The following MAD1L1 variants were observed in gnomAD, a reference collection of about 807,000 sequenced individuals.
MAD1L1 encodes the protein mitotic spindle assembly checkpoint protein MAD1.
Under a neutral mutation model 96.9 loss-of-function variants are expected in MAD1L1, and 95 were observed. That is an observed-to-expected ratio of 0.98 (90% confidence interval 0.83 to 1.16). The LOEUF (loss-of-function observed/expected upper bound fraction) is 1.16, where lower values mean the gene tolerates loss of function less well. Ranked by LOEUF, MAD1L1 falls within the 50% of genes most tolerant of loss-of-function variation. The probability of loss-of-function intolerance (pLI) is 0.00; values close to 1 mark genes in which losing one functional copy is unlikely to be tolerated. For missense variants in MAD1L1, 1,007 were observed against 954.4 expected, an observed-to-expected ratio of 1.06 and a Z score of -0.73; for synonymous variants, 473 against 396.6, an observed-to-expected ratio of 1.19 and a Z score of -2.29.
At chr7:2,006,332 G>A (rs1357945471) in intron 13 of MAD1L1, among the ~76,000 whole-genome samples, 1 of 152,150 alleles carries the variant, frequency 6.6e-6, no homozygotes, top group Non-Finnish European at 1.5e-5. Context: ...GAGGGAGTTG[G>A]GAGAACGAAG....
rs762728195 is a variant in MAD1L1, at chr7:2,092,960, G to A, written c.1074-23622C>T. Among the ~76,000 whole-genome samples, 9 of 152,134 alleles carry A rather than the reference G, an allele frequency of 5.9e-5. No homozygotes were observed. In the South Asian group the frequency reaches 6.2e-4, roughly 11 times the overall value. The stretch of plus-strand genomic sequence containing the variant: ...TAATGCATATAAAAGCATTTGGGCC[G>A]AGTGCAGTGGCTCACACCTGTAATC... On this transcript the variant is annotated intron_variant, in intron 11 of 18. Coordinates refer to ENST00000265854, the MANE Select transcript of MAD1L1 (RefSeq NM_001013836.2).
intron 17 of MAD1L1, among the ~76,000 whole-genome samples, chr7:1,927,832 TGAA>T (rs1789175873): frequency 6.6e-6 from 1 of 152,104 alleles, no homozygotes; most frequent in Non-Finnish European, 1.5e-5. Flanking sequence ...TGCACCCAGA[TGAA>T]AAGCATTTGC....
At chr7:2,065,355 G>A (rs760878083) in intron 12 of MAD1L1, among the ~76,000 whole-genome samples, 1 of 152,184 alleles carries the variant, frequency 6.6e-6, no homozygotes, top group African/African-American at 2.4e-5. Flanking sequence ...CAGCCCTCCT[G>A]TTAAAGCTCA....
intron 10 of MAD1L1, among the ~76,000 whole-genome samples, chr7:2,204,470 C>T (rs747351789): frequency 1.3e-5 from 2 of 152,176 alleles, no homozygotes; most frequent in Non-Finnish European, 2.9e-5. Context: ...CAATCATATC[C>T]CAGCACGAGA....
At chr7:2,052,090 G>A (rs141778261) in intron 12 of MAD1L1, among the ~76,000 whole-genome samples, 9 of 152,088 alleles carry the variant, frequency 5.9e-5, no homozygotes, top group Admixed American at 2.0e-4. Flanking sequence ...AGGAGCCCCC[G>A]GCAGGCCAAG....
rs1422054080 is a variant in MAD1L1 at position 1,957,632 on chromosome 7, C to A, written c.1593G>T (p.Leu531=). 1 of 1,613,782 alleles carries A rather than the reference C, an allele frequency of 6.2e-7. No individual in the cohort carries two copies. ...CCAGAGGCTGCCCCGCCCTCACCTGCAGAGCTCGCCGCTCCAGCTGTGCCT... is the reference window on the plus strand; with the variant it reads ...CCAGAGGCTGCCCCGCCCTCACCTGAAGAGCTCGCCGCTCCAGCTGTGCCT... ...MLEAQLERRA[L]QGDYDQSRTK... is the part of the protein sequence containing the mutation. Residue 531 remains leucine, a synonymous_variant, in exon 16 of 19, where the codon CTG becomes CTT. Transcript: ENST00000265854.
At chr7:2,212,170 G>A (rs1366228394) in intron 10 of MAD1L1, among the ~76,000 whole-genome samples, 1 of 152,148 alleles carries the variant, frequency 6.6e-6, no homozygotes, top group Non-Finnish European at 1.5e-5. Context: ...ACAGGGTCCT[G>A]GGAAGGATGG....
At chr7:1,953,930 G>A (rs888809018) in intron 16 of MAD1L1, among the ~76,000 whole-genome samples, 4 of 152,152 alleles carry the variant, frequency 2.6e-5, no homozygotes, top group Admixed American at 6.5e-5. Context: ...GGATGCGCCC[G>A]CCCAGCCAGA....
intron 10 of MAD1L1, among the ~76,000 whole-genome samples, chr7:2,193,666 G>T (rs367949892): frequency 2.0e-5 from 3 of 152,206 alleles, no homozygotes; most frequent in African/African-American, 7.2e-5. Flanking sequence ...ATTACCAAGG[G>T]GTAACACGGC....
chr7:1,885,604 C>T (rs1785963556), intron 18 of MAD1L1, among the ~76,000 whole-genome samples: 1 of 152,168 alleles, frequency 6.6e-6, no homozygotes, highest in Non-Finnish European at 1.5e-5. Context: ...CTGCAGGGTA[C>T]GGGCTCCCAA....
intron 18 of MAD1L1, among the ~76,000 whole-genome samples, chr7:1,871,927 A>G (rs1372327791): frequency 6.6e-6 from 1 of 152,224 alleles, no homozygotes; most frequent in African/African-American, 2.4e-5. Flanking sequence ...GAGAGGGGGC[A>G]GAACTACGGT....
intron 10 of MAD1L1, among the ~76,000 whole-genome samples, chr7:2,164,707 T>C (rs957686246): frequency 6.6e-6 from 1 of 151,792 alleles, no homozygotes; most frequent in Non-Finnish European, 1.5e-5. Flanking sequence ...TCCATCAGCA[T>C]AATCTGTGAA....
chr7:2,182,730 A>C (rs953908217), intron 10 of MAD1L1, among the ~76,000 whole-genome samples: 13 of 152,322 alleles, frequency 8.5e-5, no homozygotes, highest in African/African-American at 3.1e-4. Context: ...GTGCGATTCC[A>C]CTGATACACA....
intron 18 of MAD1L1, among the ~76,000 whole-genome samples, chr7:1,880,978 C>T (rs1440364578): frequency 6.6e-6 from 1 of 152,226 alleles, no homozygotes; most frequent in Non-Finnish European, 1.5e-5. Flanking sequence ...GCTCTCTAGG[C>T]AGGATGCCTG....
At chr7:1,976,387 G>A (rs1024097210) in intron 15 of MAD1L1, among the ~76,000 whole-genome samples, 5 of 152,218 alleles carry the variant, frequency 3.3e-5, no homozygotes, top group African/African-American at 7.2e-5. Context: ...CAGGAGTGAA[G>A]CTGCAGACCT....
At chr7:2,205,437 TC>T (rs1562370073) in intron 10 of MAD1L1, among the ~76,000 whole-genome samples, 1 of 152,136 alleles carries the variant, frequency 6.6e-6, no homozygotes, top group Non-Finnish European at 1.5e-5. Context: ...TTTCAGCAGA[TC>T]AAGAGATGCC....
chr7:1,874,593 A>C (rs989199428), intron 18 of MAD1L1: 1 of 447,388 alleles, frequency 2.2e-6, no homozygotes, highest in African/African-American at 2.0e-5. Context: ...ACCTATCAGC[A>C]TTACCCAGAG....
At chr7:2,224,150 G>A (rs1261603138) in intron 4 of MAD1L1, among the ~76,000 whole-genome samples, 1 of 152,158 alleles carries the variant, frequency 6.6e-6, no homozygotes, top group Admixed American at 6.5e-5. Context: ...GGTGGGCCCT[G>A]CCCTCAGGGA....
chr7:1,823,498 C>A (rs1782233879), intron 18 of MAD1L1, among the ~76,000 whole-genome samples: 1 of 152,176 alleles, frequency 6.6e-6, no homozygotes, highest in Non-Finnish European at 1.5e-5. Context: ...CTGCCCATCT[C>A]TCCTAGAACG....
Sources: allele counts gnomAD v4.1 joint callset (sites outside exome capture counted in the v4.1 genomes callset), GRCh38; gene constraint gnomAD v4.1.1; transcripts MANE v1.5; gene names NCBI Gene and HGNC (gene_info 2026-07-23, HGNC 2026-07-21).